The following COQ5 variants were observed in gnomAD, a reference collection of about 807,000 sequenced individuals.
COQ5 encodes the protein 2-methoxy-6-polyprenyl-1,4-benzoquinol methylase, mitochondrial.
In COQ5, 27 loss-of-function variants were observed where a neutral mutation model predicts 40.5. The ratio of observed to expected loss-of-function variants is 0.67; its 90% confidence interval spans 0.49 to 0.92. The LOEUF (loss-of-function observed/expected upper bound fraction) is 0.92. Ranked by LOEUF, COQ5 falls within the 40% of genes least tolerant of loss-of-function variation. The pLI, the probability that COQ5 is intolerant of heterozygous loss-of-function variation, is 0.00. For synonymous variants in COQ5, 141 were observed against 150.0 expected, an observed-to-expected ratio of 0.94 and a Z score of 0.44; for missense variants, 409 against 406.4, an observed-to-expected ratio of 1.01 and a Z score of -0.06.
At chr12:120,519,796 G>A (rs1869555810) in intron 2 of COQ5, among the ~76,000 whole-genome samples, 1 of 150,602 alleles carries the variant, frequency 6.6e-6, no homozygotes, top group Non-Finnish European at 1.5e-5. Flanking sequence ...CTTGAACCTA[G>A]GAGGCAGAGG....
chr12:120,512,244 T>A (rs1043477198), intron 3 of COQ5, among the ~76,000 whole-genome samples: 1 of 151,328 alleles, frequency 6.6e-6, no homozygotes, highest in South Asian at 2.1e-4. Flanking sequence ...ATAAAAATAA[T>A]GATTTCAAGG....
chr12:120,505,638 C>A (rs1671765), intron 4 of COQ5, among the ~76,000 whole-genome samples: 40,058 of 151,402 alleles, frequency 0.26, 6,359 homozygotes, highest in Admixed American at 0.38. Context: ...CTCACCACAA[C>A]CTCCACCTCT....
At chr12:120,514,040 C>T (rs1253622163) in intron 3 of COQ5, among the ~76,000 whole-genome samples, 1 of 152,146 alleles carries the variant, frequency 6.6e-6, no homozygotes, top group Non-Finnish European at 1.5e-5. Flanking sequence ...GAGATGATTC[C>T]AGAAATGGAA....
chr12:120,524,337 T>G (rs1219108170), intron 1 of COQ5, among the ~76,000 whole-genome samples: 2 of 152,002 alleles, frequency 1.3e-5, no homozygotes, highest in African/African-American at 4.8e-5. Context: ...CTCGGCTCAC[T>G]GCAAGCTCTG....
rs1275604957 is a variant in COQ5, at chr12:120,503,373, G to C, written c.*411C>G. On this transcript the variant is annotated 3_prime_UTR_variant, in exon 7 of 7. Coordinates refer to ENST00000288532, the MANE Select transcript of COQ5 (RefSeq NM_032314.4). Reference sequence around the variant, plus strand: ...AGACTTCGTCCTAGGCTGAAAGGTTGATTCAGGTACAATTAAATTTTCTGG... The same window carrying C: ...AGACTTCGTCCTAGGCTGAAAGGTTCATTCAGGTACAATTAAATTTTCTGG... The C allele has an allele frequency of 5.5e-6, 2 of 363,796 alleles. No homozygotes were observed. The highest frequency in any genetic ancestry group is 5.4e-6 in the Non-Finnish European group (1 of 186,056). The allele number at this position is 363,796 out of a possible 1,614,324, so 22.5% of individuals were successfully genotyped here.
chr12:120,522,936 C>G, intron 1 of COQ5: 4 of 640,806 alleles, frequency 6.2e-6, no homozygotes, highest in Middle Eastern at 3.2e-4. Context: ...GGCCCTGGCA[C>G]TGTTGGCCTG....
rs932705105 is a variant in COQ5, at chr12:120,504,890, C to T, written c.770+5G>A. The T allele has an allele frequency of 6.2e-7, 1 of 1,613,418 alleles. No homozygotes were observed. Among genetic ancestry groups the T allele is most frequent in the African/African-American group, 1.3e-5 (1 of 74,982 alleles). The stretch of plus-strand genomic sequence containing the variant: ...TGAAGATAAAGCCCTATTAACAATG[C>T]CAACCTGGATATGAGGGGATTGTTC... On this transcript the variant is annotated splice_donor_5th_base_variant and intron_variant, in intron 5 of 6. Transcript: ENST00000288532.
chr12:120,526,838 C>T (rs1293597736), intron 1 of COQ5: 3 of 168,988 alleles, frequency 1.8e-5, no homozygotes, highest in Admixed American at 1.3e-4. Context: ...CCTCAGCCTC[C>T]GGAGTAGCTG....
rs577761683 is a variant in COQ5 at position 120,506,517 on chromosome 12, C to T, written c.682-1534G>A. On this transcript the variant is annotated intron_variant, in intron 4 of 6. Coordinates refer to ENST00000288532, the MANE Select transcript of COQ5 (RefSeq NM_032314.4). ...ATGTTGCTGGGACTACAGGTACATGCCACCACACCCGGCTAATTTTTGCAT... is the reference window on the plus strand; with the variant it reads ...ATGTTGCTGGGACTACAGGTACATGTCACCACACCCGGCTAATTTTTGCAT... 7.9e-5 allele frequency among the ~76,000 whole-genome samples: 12 copies of T among 152,074 alleles called. No individual in the cohort carries two copies. The East Asian group carries it at 2.3e-3, about 29-fold the overall frequency.
chr12:120,523,897 C>G (rs1869802611), intron 1 of COQ5: 2 of 407,596 alleles, frequency 4.9e-6, no homozygotes, highest in Non-Finnish European at 9.9e-6. Context: ...GTAATCCCAG[C>G]TACTCGGGTG....
At chr12:120,514,629 GCTACTCGGGA>G (rs1869295694) in intron 3 of COQ5, among the ~76,000 whole-genome samples, 1 of 151,836 alleles carries the variant, frequency 6.6e-6, no homozygotes. Context: ...TGTAATCCCA[GCTACTCGGGA>G]GGCTGAGGCA....
At chr12:120,528,858 T>A in intron 1 of COQ5, 82 bp downstream of exon 1, 1 of 1,267,488 alleles carries the variant, frequency 7.9e-7, no homozygotes, top group Non-Finnish European at 1.2e-6. Context: ...ACTAATTGGA[T>A]GTTAAATCAA....
At chr12:120,524,511 C>T (rs1391517437) in intron 1 of COQ5, among the ~76,000 whole-genome samples, 1 of 152,076 alleles carries the variant, frequency 6.6e-6, no homozygotes, top group South Asian at 2.1e-4. Flanking sequence ...CCGCCCGCCT[C>T]GGCCTCCCAA....
At chr12:120,511,408 C>CTTAGT (rs959223242) in intron 3 of COQ5, among the ~76,000 whole-genome samples, 3 of 152,060 alleles carry the variant, frequency 2.0e-5, no homozygotes, top group African/African-American at 7.2e-5. Context: ...GATAGATTAT[C>CTTAGT]TTAGTATATC....
intron 4 of COQ5, among the ~76,000 whole-genome samples, chr12:120,508,229 C>T (rs988879055): frequency 2.0e-5 from 3 of 151,874 alleles, no homozygotes. Flanking sequence ...CTCCTGACCT[C>T]GTGATCTGCC....
Position 120,503,527 on chromosome 12 carries a change from A to G in COQ5, c.*257T>C. The G allele has an allele frequency of 1.7e-6, 1 of 604,752 alleles. No homozygotes were observed. The highest frequency in any genetic ancestry group is 3.5e-5 in the East Asian group (1 of 28,216). 37.5% of individuals were successfully genotyped at this position (604,752 alleles called of 1,614,324 possible). ...GTTGTACCTTAACCACACACCCTAC[A>G]GCCAAGAGAAATTAGCAGTTGAGCA... On this transcript the variant is annotated 3_prime_UTR_variant, in exon 7 of 7. Coordinates refer to ENST00000288532, the MANE Select transcript of COQ5 (RefSeq NM_032314.4).
At chr12:120,509,791 C>G in intron 4 of COQ5, 1 of 544,804 alleles carries the variant, frequency 1.8e-6, no homozygotes. Flanking sequence ...CTCTCTCTCT[C>G]TCCCTGGGTG....
In COQ5 at chr12:120,504,054, G is replaced by T. The variant is rs1868770603; in HGVS notation, c.798C>A (p.Val266=). Residue 266 remains valine, a synonymous_variant, in exon 6 of 7, where the codon GTC becomes GTA. Transcript: ENST00000288532. The part of the protein sequence containing the change: ...SRLYDLYSFQ[V]IPVLGEVIAG... ...CGATGACCTCTCCCAGGACAGGGAT[G>T]ACCTGGAAGCTATATAGATCATAAA... 1 of 1,611,554 alleles carries T rather than the reference G, an allele frequency of 6.2e-7. No individual in the cohort carries two copies.
Position 120,516,755 on chromosome 12 carries a change from T to C in COQ5, c.386A>G (p.Gln129Arg), listed in dbSNP as rs1260748004. 3.1e-6 allele frequency: 5 copies of C among 1,614,082 alleles called. No individual in the cohort carries two copies. The highest frequency in any genetic ancestry group is 1.3e-5 in the African/African-American group (1 of 74,936). ...CTTCTGTTTTCTCTGATGCTGGGACTGAACATAATTAAGGAACCGGAATGC... is the reference window on the plus strand; with the variant it reads ...CTTCTGTTTTCTCTGATGCTGGGACCGAACATAATTAAGGAACCGGAATGC... ...DIAFRFLNYV[Q>R]SQHQRKQKRQ... The change falls in exon 3 of 7, where the codon CAG becomes CGG. Residue 129 changes from glutamine to arginine, a missense_variant. Transcript: ENST00000288532.
Sources: gnomAD v4.1 joint callset for allele counts (sites outside exome capture counted in the v4.1 genomes callset) on GRCh38, gnomAD v4.1.1 for gene constraint, MANE v1.5 for transcripts, NCBI Gene and HGNC (gene_info 2026-07-23, HGNC 2026-07-21) for gene names.